Variants in CNTNAP5 observed in about 807,000 individuals in gnomAD.
The protein encoded by CNTNAP5 is contactin associated protein family member 5, also known as contactin-associated protein-like 5.
In CNTNAP5, 72 loss-of-function variants were observed where a neutral mutation model predicts 150.2. The observed-to-expected ratio is 0.48, with a 90% CI of 0.40 to 0.58. The LOEUF (loss-of-function observed/expected upper bound fraction) is 0.58. CNTNAP5 is among the 20% of genes least tolerant of loss of function. The pLI is 0.00. For synonymous variants in CNTNAP5, 672 were observed against 619.8 expected (o/e 1.08, Z -1.25); for missense variants, 1,636 against 1,626.2 (o/e 1.01, Z -0.10).
intron 13 of CNTNAP5, among the ~76,000 whole-genome samples, chr2:124,735,159 G>A (rs537951409): frequency 5.1e-4 from 78 of 152,084 alleles, no homozygotes; most frequent in Non-Finnish European, 9.1e-4. Context: ...TTAATTTTTA[G>A]TTGAATCAAT....
chr2:124,802,662 C>T (rs1053308824), intron 19 of CNTNAP5, among the ~76,000 whole-genome samples: 2 of 152,178 alleles, frequency 1.3e-5, no homozygotes, highest in Non-Finnish European at 2.9e-5. Flanking sequence ...ATACACAGGA[C>T]TTTCACAGAA....
At chr2:124,385,865 C>T (rs530803097) in intron 3 of CNTNAP5, among the ~76,000 whole-genome samples, 35 of 152,274 alleles carry the variant, frequency 2.3e-4, no homozygotes, top group African/African-American at 6.7e-4. Flanking sequence ...CCTTTTTTAT[C>T]GTGTTCTGAG....
chr2:124,412,669 C>T (rs1303992340), intron 3 of CNTNAP5, among the ~76,000 whole-genome samples: 1 of 128,088 alleles, frequency 7.8e-6, no homozygotes, highest in Non-Finnish European at 1.6e-5. Flanking sequence ...GGAAAACTGG[C>T]TAGCCATATG....
At chr2:124,888,104 C>G (rs752093468) in intron 21 of CNTNAP5, among the ~76,000 whole-genome samples, 2 of 151,938 alleles carry the variant, frequency 1.3e-5, no homozygotes, top group African/African-American at 4.8e-5. Context: ...GTTTTTAAAC[C>G]CTTTCTCCCT....
chr2:124,504,572 A>G lies in CNTNAP5; in HGVS notation c.1327+16A>G. On this transcript the variant is annotated intron_variant, in intron 8 of 23. Transcript: ENST00000682447. Reference sequence around the variant, plus strand: ...ATCCTCACAGGTACTGTCTGCTGACACTCTGGATCAGCTTCTTGTTTATCC... The same window carrying G: ...ATCCTCACAGGTACTGTCTGCTGACGCTCTGGATCAGCTTCTTGTTTATCC... 6.2e-7 allele frequency: 1 copy of G among 1,609,938 alleles called. No homozygotes were observed. Among genetic ancestry groups the G allele is most frequent in the Non-Finnish European group, 8.5e-7 (1 of 1,177,452 alleles).
chr2:124,170,436 T>C (rs547525091), intron 1 of CNTNAP5, among the ~76,000 whole-genome samples: 23 of 152,194 alleles, frequency 1.5e-4, no homozygotes, highest in Non-Finnish European at 1.8e-4. Context: ...TAGCATTGTG[T>C]GCAGATGCTT....
At chr2:124,478,534 CCA>C (rs1259903492) in intron 7 of CNTNAP5, among the ~76,000 whole-genome samples, 1 of 151,806 alleles carries the variant, frequency 6.6e-6, no homozygotes, top group Non-Finnish European at 1.5e-5. Context: ...ACACACACAC[CCA>C]CACACATATT....
At chr2:124,815,513 C>T (rs1343334410) in intron 19 of CNTNAP5, among the ~76,000 whole-genome samples, 2 of 152,124 alleles carry the variant, frequency 1.3e-5, no homozygotes, top group Non-Finnish European at 2.9e-5. Flanking sequence ...CTTATTTCCC[C>T]AGAGCGGCCG....
At chr2:124,093,002 C>T (rs1396668840) in intron 1 of CNTNAP5, among the ~76,000 whole-genome samples, 1 of 152,172 alleles carries the variant, frequency 6.6e-6, no homozygotes, top group Non-Finnish European at 1.5e-5. Context: ...AGTCAGCGTT[C>T]ACACATTTAA....
At chr2:124,062,013 T>TC (rs1258526281) in intron 1 of CNTNAP5, among the ~76,000 whole-genome samples, 3 of 152,170 alleles carry the variant, frequency 2.0e-5, no homozygotes, top group Non-Finnish European at 4.4e-5. Flanking sequence ...CAGGGATTTT[T>TC]CATCTCTTAC....
intron 13 of CNTNAP5, among the ~76,000 whole-genome samples, chr2:124,741,532 A>T (rs1680497858): frequency 6.6e-6 from 1 of 152,194 alleles, no homozygotes; most frequent in Admixed American, 6.5e-5. Context: ...CAATATAAAA[A>T]TCATCATTTG....
In CNTNAP5 at chr2:124,044,916, A is replaced by ACG. The variant is rs1211148895; in HGVS notation, c.82+19185_82+19186insGC. Among the ~76,000 whole-genome samples the ACG allele has an allele frequency of 3.2e-3, 479 of 149,778 alleles. 3 individuals are homozygous for ACG. The highest frequency in any genetic ancestry group is 0.014 in the Middle Eastern group (4 of 292). ...CACACACACACACACACACACACAC[A>ACG]CACACACACACACACATGAATAAGT... On this transcript the variant is annotated intron_variant, in intron 1 of 23. Coordinates refer to ENST00000682447, the MANE Select transcript of CNTNAP5 (RefSeq NM_001367498.1).
At chr2:124,713,887 C>T (rs1679891209) in intron 13 of CNTNAP5, among the ~76,000 whole-genome samples, 1 of 152,120 alleles carries the variant, frequency 6.6e-6, no homozygotes, top group African/African-American at 2.4e-5. Flanking sequence ...ATCTCTCCTC[C>T]CTAGTTCAGC....
intron 14 of CNTNAP5, among the ~76,000 whole-genome samples, chr2:124,748,329 A>T (rs778254609): frequency 6.6e-6 from 1 of 152,116 alleles, no homozygotes; most frequent in East Asian, 1.9e-4. Context: ...CTGCAGCCAG[A>T]GTTTCTTAGT....
At chr2:124,108,536 A>G (rs1319507324) in intron 1 of CNTNAP5, among the ~76,000 whole-genome samples, 2 of 152,166 alleles carry the variant, frequency 1.3e-5, no homozygotes, top group Non-Finnish European at 2.9e-5. Flanking sequence ...GTTTGCACGT[A>G]TGATACTGTT....
At chr2:124,055,522 C>T (rs1681821780) in intron 1 of CNTNAP5, among the ~76,000 whole-genome samples, 1 of 152,148 alleles carries the variant, frequency 6.6e-6, no homozygotes, top group Non-Finnish European at 1.5e-5. Flanking sequence ...CATGAATACT[C>T]CCCAGAATGT....
chr2:124,229,785 T>G (rs1335460587), intron 2 of CNTNAP5, among the ~76,000 whole-genome samples: 1 of 152,150 alleles, frequency 6.6e-6, no homozygotes, highest in African/African-American at 2.4e-5. Flanking sequence ...GGGTTAGGCC[T>G]TCTTGAAAAT....
At position 124,025,661 on chromosome 2, in the gene CNTNAP5, T is replaced by C. The variant is rs1286090252; in HGVS notation, c.11T>C (p.Leu4Ser). 4 of 1,613,728 alleles carry C rather than the reference T, an allele frequency of 2.5e-6. No individual in the cohort carries two copies. Among genetic ancestry groups the C allele is most frequent in the Non-Finnish European group, 2.5e-6 (3 of 1,179,876 alleles). The change falls in exon 1 of 24, where the codon TTA becomes TCA. Residue 4 changes from leucine to serine, a missense_variant. Transcript: ENST00000682447. MDS[L>S]PRLTSVLTLL... ...GCTCACTCGGGGGAAATGGATTCTT[T>C]ACCACGGCTGACCAGCGTTTTGACT... is the stretch of plus-strand genomic sequence containing the variant.
At chr2:124,473,189 G>GAA (rs1421961108) in intron 6 of CNTNAP5, among the ~76,000 whole-genome samples, 1 of 151,736 alleles carries the variant, frequency 6.6e-6, no homozygotes, top group Non-Finnish European at 1.5e-5. Context: ...ACTAGAGAAA[G>GAA]AAAATAATAA....
Sources: gnomAD v4.1 joint callset for allele counts (sites outside exome capture counted in the v4.1 genomes callset) on GRCh38, gnomAD v4.1.1 for gene constraint, MANE v1.5 for transcripts, NCBI Gene and HGNC (gene_info 2026-07-23, HGNC 2026-07-21) for gene names.